RBFOX1: variants seen among roughly 807,000 people sequenced by gnomAD.
RBFOX1 encodes RNA binding protein fox-1 homolog 1.
RBFOX1 carries 8 observed loss-of-function variants against 57.7 expected under a neutral mutation model. That is an observed-to-expected ratio of 0.14 (90% confidence interval 0.08 to 0.25). The LOEUF is 0.25. Among genes scored for constraint, RBFOX1 ranks in the 10% least tolerant of loss-of-function variants. The probability of loss-of-function intolerance (pLI) is 1.00; values close to 1 mark genes in which losing one functional copy is unlikely to be tolerated. For missense variants in RBFOX1, 611 were observed against 548.5 expected (o/e 1.11, Z -1.14); for synonymous variants, 326 against 222.4 (o/e 1.47, Z -4.15).
intron 3 of RBFOX1, among the ~76,000 whole-genome samples, chr16:5,770,973 C>A (rs913312225): frequency 1.3e-5 from 2 of 152,166 alleles, no homozygotes; most frequent in Admixed American, 6.5e-5. Flanking sequence ...TCTCTGGCCA[C>A]GACCCTTTTT....
In RBFOX1 at chr16:5,967,003, G is replaced by T. The variant is rs1227235991; in HGVS notation, c.351+99668G>T. ...TCTTGCACTAAATCGGGGGGGGGGG[G>T]GTCAATAAATGATAGCTCAGGTGCC... On this transcript the variant is annotated intron_variant, in intron 4 of 19. Coordinates refer to the RBFOX1 transcript ENST00000641259. Among the ~76,000 whole-genome samples, 57 of 100,628 alleles carry T rather than the reference G, an allele frequency of 5.7e-4. 6 individuals carry two copies. Among genetic ancestry groups the T allele is most frequent in the South Asian group, 1.4e-3 (3 of 2,164 alleles). 66.0% of individuals were successfully genotyped at this position (100,628 alleles called of 152,430 possible).
intron 1 of RBFOX1, among the ~76,000 whole-genome samples, chr16:6,245,652 C>T (rs1239087824): frequency 6.6e-6 from 1 of 152,144 alleles, no homozygotes; most frequent in Non-Finnish European, 1.5e-5. Context: ...TGTATGCACT[C>T]TTGATGATTC....
intron 4 of RBFOX1, among the ~76,000 whole-genome samples, chr16:7,394,838 GT>G (rs1295965424): frequency 6.6e-6 from 1 of 152,116 alleles, no homozygotes; most frequent in Non-Finnish European, 1.5e-5. Context: ...CTGCCTTATT[GT>G]TTTTCAATCC....
intron 4 of RBFOX1, among the ~76,000 whole-genome samples, chr16:7,387,914 G>A (rs4238880): frequency 0.43 from 65,549 of 151,856 alleles, 14,641 homozygotes; most frequent in East Asian, 0.55. Flanking sequence ...TTCCACTTTC[G>A]CCTTTATTTT....
intron 4 of RBFOX1, among the ~76,000 whole-genome samples, chr16:5,963,212 C>T (rs927158928): frequency 6.6e-6 from 1 of 152,104 alleles, no homozygotes; most frequent in African/African-American, 2.4e-5. Context: ...TGTATCAAAC[C>T]CCAAACCTGA....
intron 3 of RBFOX1, among the ~76,000 whole-genome samples, chr16:5,798,729 C>T (rs940041052): frequency 3.9e-5 from 6 of 152,146 alleles, no homozygotes; most frequent in Non-Finnish European, 8.8e-5. Context: ...CCACTTTGTT[C>T]GTTGTGGCAG....
In RBFOX1 at chr16:6,875,290, C is replaced by G. The variant is rs114711090; in HGVS notation, c.-15-176767C>G. Among the ~76,000 whole-genome samples, 6 of 152,112 alleles carry G rather than the reference C, an allele frequency of 3.9e-5. No individual in the cohort carries two copies. The East Asian group carries it at 7.7e-4, about 20-fold the overall frequency. On this transcript the variant is annotated intron_variant, in intron 3 of 15. Transcript: ENST00000550418. The stretch of plus-strand genomic sequence containing the variant: ...CTTCGGTTGTCTAAACAATACAACT[C>G]GTTATGGTGGGGGTGCGTTTTTTAG...
At chr16:7,577,577 AG>A (rs1179791820) in intron 5 of RBFOX1, among the ~76,000 whole-genome samples, 1 of 152,226 alleles carries the variant, frequency 6.6e-6, no homozygotes, top group Non-Finnish European at 1.5e-5. Context: ...AAGGTTACTC[AG>A]CCCTTTGTGA....
intron 3 of RBFOX1, among the ~76,000 whole-genome samples, chr16:6,924,685 TTTATTA>T (rs994613873): frequency 6.6e-6 from 1 of 151,962 alleles, no homozygotes; most frequent in Non-Finnish European, 1.5e-5. Flanking sequence ...TTTTTTTAAT[TTTATTA>T]TTATTATACT....
At chr16:5,723,884 C>T (rs1328020106) in intron 3 of RBFOX1, among the ~76,000 whole-genome samples, 1 of 152,236 alleles carries the variant, frequency 6.6e-6, no homozygotes, top group African/African-American at 2.4e-5. Context: ...GTCGCTTCTA[C>T]ATGGGCATCT....
At chr16:5,856,245 ATATATG>A (rs1567631327) in intron 3 of RBFOX1, among the ~76,000 whole-genome samples, 44 of 40,624 alleles carry the variant, frequency 1.1e-3, no homozygotes, top group African/African-American at 3.5e-3. Flanking sequence ...ATATGTGTAT[ATATATG>A]TATATATATG....
rs1454564233 is a variant in RBFOX1, at chr16:5,395,471, A to G, written c.220-71745A>G. Among the ~76,000 whole-genome samples the G allele has an allele frequency of 3.9e-5, 6 of 152,166 alleles. No homozygotes were observed. The East Asian group carries it at 1.2e-3, about 29-fold the overall frequency. On this transcript the variant is annotated intron_variant, in intron 1 of 2. Coordinates refer to the RBFOX1 transcript ENST00000585867. ...TTGGAGTTCTTCAGACTTGGCTTCT[A>G]ATTCCAGGTCCTCCACTGTGGCTTG... is the stretch of plus-strand genomic sequence containing the variant.
intron 1 of RBFOX1, among the ~76,000 whole-genome samples, chr16:6,145,709 G>T (rs1026212255): frequency 6.6e-6 from 1 of 151,934 alleles, no homozygotes; most frequent in Non-Finnish European, 1.5e-5. Flanking sequence ...AATGTTTATG[G>T]CATACGTCCA....
intron 4 of RBFOX1, among the ~76,000 whole-genome samples, chr16:7,281,598 CAG>C (rs1247871707): frequency 7.2e-5 from 11 of 151,988 alleles, no homozygotes; most frequent in Non-Finnish European, 4.4e-5. Flanking sequence ...TGTTGGAAGT[CAG>C]AGAAAATACA....
intron 3 of RBFOX1, among the ~76,000 whole-genome samples, chr16:6,792,325 G>C (rs936718618): frequency 6.6e-6 from 1 of 152,094 alleles, no homozygotes; most frequent in African/African-American, 2.4e-5. Context: ...TGATCCCTAA[G>C]GACGCTTTCA....
At chr16:5,596,734 C>G (rs2047195747) in intron 2 of RBFOX1, among the ~76,000 whole-genome samples, 1 of 152,156 alleles carries the variant, frequency 6.6e-6, no homozygotes, top group Non-Finnish European at 1.5e-5. Flanking sequence ...GTGACAAAAG[C>G]CAGACATTCT....
At chr16:6,887,100 G>C (rs2064233918) in intron 3 of RBFOX1, among the ~76,000 whole-genome samples, 1 of 152,094 alleles carries the variant, frequency 6.6e-6, no homozygotes, top group Non-Finnish European at 1.5e-5. Flanking sequence ...AAATCATCAT[G>C]TCCCTCACCA....
intron 2 of RBFOX1, among the ~76,000 whole-genome samples, chr16:5,467,549 G>T (rs570133088): frequency 6.6e-6 from 1 of 152,266 alleles, no homozygotes; most frequent in South Asian, 2.1e-4. Flanking sequence ...AACAATGAGG[G>T]TGCTTGCCTA....
intron 4 of RBFOX1, among the ~76,000 whole-genome samples, chr16:7,420,956 C>CATATAT (rs1568795032): frequency 4.0e-5 from 6 of 148,822 alleles, no homozygotes; most frequent in African/African-American, 1.5e-4. Flanking sequence ...CACACACACA[C>CATATAT]ACACATATAT....
Sources: gnomAD v4.1 joint callset for allele counts (sites outside exome capture counted in the v4.1 genomes callset) on GRCh38, gnomAD v4.1.1 for gene constraint, MANE v1.5 for transcripts, NCBI Gene and HGNC (gene_info 2026-07-23, HGNC 2026-07-21) for gene names.